TAFA1: variants seen among roughly 807,000 people sequenced by gnomAD.
TAFA1 encodes the protein chemokine-like protein TAFA-1.
Under a neutral mutation model 18.5 loss-of-function variants are expected in TAFA1, and 4 were observed. That is an observed-to-expected ratio of 0.22 (90% CI 0.11 to 0.49). The LOEUF (loss-of-function observed/expected upper bound fraction) is 0.49, where lower values mean the gene tolerates loss of function less well. Ranked by LOEUF, TAFA1 falls within the 20% of genes least tolerant of loss-of-function variation. The pLI, the probability that TAFA1 is intolerant of heterozygous loss-of-function variation, is 0.98. For synonymous variants in TAFA1, 56 were observed against 55.2 expected, an observed-to-expected ratio of 1.01 and a Z score of -0.06; for missense variants, 147 against 169.0, an observed-to-expected ratio of 0.87 and a Z score of 0.72.
chr3:68,176,519 A>G (rs1436899576), intron 2 of TAFA1, among the ~76,000 whole-genome samples: 2 of 152,228 alleles, frequency 1.3e-5, no homozygotes, highest in African/African-American at 2.4e-5. Context: ...AGTCTCCCCT[A>G]TAATTTTGAT....
chr3:68,300,079 T>C (rs4327396), intron 2 of TAFA1, among the ~76,000 whole-genome samples: 114,745 of 152,148 alleles, frequency 0.75, 44,364 homozygotes, highest in East Asian at 0.93. Context: ...GAGAAGAGGG[T>C]CACCATCCTC....
At chr3:68,531,133 C>T (rs745909384) in intron 3 of TAFA1, among the ~76,000 whole-genome samples, 2 of 152,126 alleles carry the variant, frequency 1.3e-5, no homozygotes, top group African/African-American at 2.4e-5. Context: ...GGGAAAGTTA[C>T]TTAGTCTCTC....
chr3:68,078,276 T>A (rs1307630852), intron 2 of TAFA1, among the ~76,000 whole-genome samples: 1 of 151,446 alleles, frequency 6.6e-6, no homozygotes, highest in Non-Finnish European at 1.5e-5. Context: ...TTTGACTTCC[T>A]CTTTTCCTAA....
At chr3:68,461,371 ATATATATATG>A (rs1168855316) in intron 3 of TAFA1, among the ~76,000 whole-genome samples, 33 of 141,320 alleles carry the variant, frequency 2.3e-4, no homozygotes, top group Non-Finnish European at 3.6e-4. Flanking sequence ...ATATATATAT[ATATATATATG>A]TATGTATGTA....
intron 2 of TAFA1, among the ~76,000 whole-genome samples, chr3:68,127,911 T>TGATGGTG (rs2106875552): frequency 8.6e-5 from 10 of 116,826 alleles, no homozygotes; most frequent in South Asian, 2.8e-4. Context: ...TGGTGGTGGT[T>TGATGGTG]GTGGTGATGC....
intron 3 of TAFA1, among the ~76,000 whole-genome samples, chr3:68,506,419 G>T (rs2072755119): frequency 6.6e-6 from 1 of 151,784 alleles, no homozygotes; most frequent in African/African-American, 2.4e-5. Flanking sequence ...GATGACCCAA[G>T]GACATAAATC....
At chr3:68,226,232 A>G (rs1330162038) in intron 2 of TAFA1, among the ~76,000 whole-genome samples, 1 of 152,234 alleles carries the variant, frequency 6.6e-6, no homozygotes, top group Non-Finnish European at 1.5e-5. Context: ...TTTGTGCCAT[A>G]TGCCAATGCT....
At chr3:68,086,382 G>T (rs534135292) in intron 2 of TAFA1, among the ~76,000 whole-genome samples, 1 of 152,152 alleles carries the variant, frequency 6.6e-6, no homozygotes, top group Non-Finnish European at 1.5e-5. Flanking sequence ...TTTACAATTT[G>T]CAGAAGTTCT....
In TAFA1 at chr3:68,006,643, C is replaced by A. The variant is rs559103211; in HGVS notation, c.17C>A (p.Ala6Glu). The change falls in exon 2 of 5, where the codon GCG becomes GAG. Residue 6 changes from alanine (A) to glutamate (E), a missense_variant. Transcript: ENST00000478136. The part of the protein sequence containing the change: MAMVS[A>E]MSWVLYLWIS... ...CTTTAGAGAATGGCAATGGTCTCTG[C>A]GATGTCCTGGGTCCTGTATTTGTGG... The A allele has an allele frequency of 1.9e-6, 3 of 1,613,230 alleles. No individual in the cohort carries two copies. The highest frequency in any genetic ancestry group is 2.7e-5 in the African/African-American group (2 of 75,010).
chr3:68,006,448 A>C, intron 1 of TAFA1, 176 bp from the exon 2 acceptor site: 1 of 564,418 alleles, frequency 1.8e-6, no homozygotes, highest in Non-Finnish European at 3.2e-6. Context: ...TGATCATCTG[A>C]AAAGGGCTTT....
intron 3 of TAFA1, among the ~76,000 whole-genome samples, chr3:68,430,906 G>A (rs1575860035): frequency 6.6e-6 from 1 of 151,998 alleles, no homozygotes; most frequent in African/African-American, 2.4e-5. Flanking sequence ...TTAAGATACT[G>A]TATTAACTAA....
intron 2 of TAFA1, among the ~76,000 whole-genome samples, chr3:68,265,259 A>T (rs576085206): frequency 6.6e-6 from 1 of 152,072 alleles, no homozygotes; most frequent in South Asian, 2.1e-4. Flanking sequence ...TGTGGATTTC[A>T]TTTTCTTTGT....
intron 2 of TAFA1, among the ~76,000 whole-genome samples, chr3:68,323,888 ATCTG>A: frequency 6.6e-6 from 1 of 152,296 alleles, no homozygotes; most frequent in Middle Eastern, 3.4e-3. Context: ...ATCAGGAATA[ATCTG>A]TCTATGTGTC....
At chr3:68,336,568 C>T (rs535920390) in intron 2 of TAFA1, among the ~76,000 whole-genome samples, 1 of 152,308 alleles carries the variant, frequency 6.6e-6, no homozygotes, top group South Asian at 2.1e-4. Flanking sequence ...TAATATTCCC[C>T]AAAGTATAAT....
At chr3:68,319,927 T>C (rs1289333094) in intron 2 of TAFA1, among the ~76,000 whole-genome samples, 1 of 152,166 alleles carries the variant, frequency 6.6e-6, no homozygotes, top group Non-Finnish European at 1.5e-5. Flanking sequence ...ACTAGAATGC[T>C]TGATAGCTTT....
At chr3:68,118,311 C>T (rs111647203) in intron 2 of TAFA1, among the ~76,000 whole-genome samples, 4,122 of 152,158 alleles carry the variant, frequency 0.027, 176 homozygotes, top group African/African-American at 0.092. Flanking sequence ...TTCTCACTAC[C>T]ATAAGAATCT....
intron 2 of TAFA1, among the ~76,000 whole-genome samples, chr3:68,050,586 G>A (rs1221355351): frequency 6.6e-6 from 1 of 152,124 alleles, no homozygotes; most frequent in African/African-American, 2.4e-5. Flanking sequence ...CTTTGTGCTG[G>A]CTGCCTTTCC....
intron 2 of TAFA1, among the ~76,000 whole-genome samples, chr3:68,012,395 G>A (rs904632076): frequency 2.0e-5 from 3 of 152,098 alleles, no homozygotes; most frequent in Non-Finnish European, 2.9e-5. Context: ...CCACACAATG[G>A]GATTTGATGT....
intron 2 of TAFA1, among the ~76,000 whole-genome samples, chr3:68,371,995 T>C (rs1394152339): frequency 2.0e-5 from 3 of 152,180 alleles, no homozygotes; most frequent in African/African-American, 7.2e-5. Context: ...AATTTAACAC[T>C]TCTGAACATC....
Sources: gnomAD v4.1 joint callset for allele counts (sites outside exome capture counted in the v4.1 genomes callset) on GRCh38, gnomAD v4.1.1 for gene constraint, MANE v1.5 for transcripts, NCBI Gene and HGNC (gene_info 2026-07-23, HGNC 2026-07-21) for gene names.